Variants in CHCHD3 observed in about 807,000 individuals in gnomAD.
The protein encoded by CHCHD3 is MICOS complex subunit MIC19.
CHCHD3 carries 20 observed loss-of-function variants against 38.2 expected under a neutral mutation model. The observed-to-expected ratio is 0.52, with a 90% CI of 0.37 to 0.76. The LOEUF is 0.76. Among genes scored for constraint, CHCHD3 ranks in the 30% least tolerant of loss-of-function variants. CHCHD3 has a pLI of 0.00. For missense variants in CHCHD3, 245 were observed against 279.2 expected (o/e 0.88, Z 0.87); for synonymous variants, 82 against 100.0 (o/e 0.82, Z 1.07).
At chr7:133,064,585 C>T (rs1404286804) in intron 2 of CHCHD3, among the ~76,000 whole-genome samples, 2 of 152,210 alleles carry the variant, frequency 1.3e-5, no homozygotes, top group Non-Finnish European at 2.9e-5. Flanking sequence ...AGAACTTATA[C>T]ATGAATCTGT....
chr7:133,015,966 C>T (rs56080701), intron 3 of CHCHD3, among the ~76,000 whole-genome samples: 56,374 of 151,024 alleles, frequency 0.37, 10,631 homozygotes, highest in Admixed American at 0.44. Context: ...GGGACTGTCA[C>T]ACACTTTTAA....
intron 4 of CHCHD3, among the ~76,000 whole-genome samples, chr7:132,952,261 T>C (rs1358454102): frequency 1.3e-5 from 2 of 152,206 alleles, no homozygotes; most frequent in East Asian, 3.8e-4. Flanking sequence ...ATTTTAAAAA[T>C]ACACATGCCT....
chr7:132,954,883 C>T (rs1180411005), intron 4 of CHCHD3, among the ~76,000 whole-genome samples: 1 of 152,196 alleles, frequency 6.6e-6, no homozygotes, highest in Non-Finnish European at 1.5e-5. Flanking sequence ...AGCCTGATCA[C>T]AGACTGCATG....
chr7:132,942,357 ATAGT>A (rs764231100), intron 4 of CHCHD3, among the ~76,000 whole-genome samples: 8 of 152,256 alleles, frequency 5.3e-5, no homozygotes, highest in South Asian at 2.1e-4. Flanking sequence ...TCTTTTTTTC[ATAGT>A]TAGTAAAAGT....
chr7:133,073,713 C>A (rs985099268), intron 1 of CHCHD3, among the ~76,000 whole-genome samples: 1 of 152,164 alleles, frequency 6.6e-6, no homozygotes, highest in Non-Finnish European at 1.5e-5. Flanking sequence ...AATTCCTGTA[C>A]CATCCGCTTA....
At chr7:133,054,685 C>T (rs1393284489) in intron 2 of CHCHD3, among the ~76,000 whole-genome samples, 2 of 152,192 alleles carry the variant, frequency 1.3e-5, no homozygotes, top group African/African-American at 4.8e-5. Context: ...CTTGTTACCA[C>T]CACCACCACC....
intron 2 of CHCHD3, among the ~76,000 whole-genome samples, chr7:133,060,003 T>C (rs868824999): frequency 4.8e-4 from 73 of 152,174 alleles, no homozygotes; most frequent in African/African-American, 1.7e-3. Flanking sequence ...AACATGTAAT[T>C]GTAACACAAT....
intron 4 of CHCHD3, among the ~76,000 whole-genome samples, chr7:132,936,960 T>A (rs563245957): frequency 6.6e-6 from 1 of 152,300 alleles, no homozygotes; most frequent in African/African-American, 2.4e-5. Flanking sequence ...ATGTTATTTG[T>A]TTGGAAGCCT....
At chr7:133,029,110 G>A (rs1226377746) in intron 2 of CHCHD3, among the ~76,000 whole-genome samples, 1 of 152,032 alleles carries the variant, frequency 6.6e-6, no homozygotes, top group Non-Finnish European at 1.5e-5. Context: ...TACGTATTCT[G>A]TTATAAGCAA....
At chr7:133,073,512 C>G (rs75369386) in intron 1 of CHCHD3, among the ~76,000 whole-genome samples, 1 of 152,120 alleles carries the variant, frequency 6.6e-6, no homozygotes, top group Non-Finnish European at 1.5e-5. Flanking sequence ...ATTGATCTCA[C>G]GTTTGCCGCA....
At chr7:132,832,697 T>A (rs1424898560) in intron 6 of CHCHD3, among the ~76,000 whole-genome samples, 1 of 152,250 alleles carries the variant, frequency 6.6e-6, no homozygotes, top group Non-Finnish European at 1.5e-5. Flanking sequence ...ATATTTGCTT[T>A]TCTATTTTAA....
At chr7:133,070,072 G>A in intron 2 of CHCHD3, 70 bp downstream of exon 2, 7 of 1,108,522 alleles carry the variant, frequency 6.3e-6, no homozygotes, top group Non-Finnish European at 9.3e-6. Context: ...TAGAGAACTT[G>A]ACTATTGAGT....
intron 7 of CHCHD3, among the ~76,000 whole-genome samples, chr7:132,791,888 G>T (rs1806469464): frequency 6.6e-6 from 1 of 152,178 alleles, no homozygotes; most frequent in African/African-American, 2.4e-5. Flanking sequence ...CTGTGGCCAG[G>T]TTCCTTTCTG....
intron 3 of CHCHD3, among the ~76,000 whole-genome samples, chr7:132,991,618 A>G (rs1019560839): frequency 1.3e-5 from 2 of 152,240 alleles, no homozygotes; most frequent in African/African-American, 2.4e-5. Flanking sequence ...TTAAAAACAC[A>G]GTTCCAACTA....
intron 4 of CHCHD3, among the ~76,000 whole-genome samples, chr7:132,956,581 A>C (rs1811175153): frequency 6.6e-6 from 1 of 152,240 alleles, no homozygotes; most frequent in Non-Finnish European, 1.5e-5. Flanking sequence ...TGTCATTATA[A>C]TCACAGAATG....
chr7:132,992,716 T>A (rs1812315640), intron 3 of CHCHD3, among the ~76,000 whole-genome samples: 1 of 152,228 alleles, frequency 6.6e-6, no homozygotes, highest in South Asian at 2.1e-4. Flanking sequence ...ACAGAACTAG[T>A]AGAAAATTAA....
intron 4 of CHCHD3, among the ~76,000 whole-genome samples, chr7:132,931,696 C>T (rs1354257705): frequency 1.3e-5 from 2 of 152,132 alleles, no homozygotes; most frequent in Non-Finnish European, 2.9e-5. Flanking sequence ...TGAAATACCT[C>T]TTGAAAAAGA....
chr7:132,872,467 A>G (rs1392079882), intron 5 of CHCHD3, among the ~76,000 whole-genome samples: 1 of 152,100 alleles, frequency 6.6e-6, no homozygotes, highest in African/African-American at 2.4e-5. Context: ...TTCTGGTTAT[A>G]TTTCCCCACA....
At chr7:132,895,592 A>C (rs541180257) in intron 4 of CHCHD3, among the ~76,000 whole-genome samples, 1 of 152,334 alleles carries the variant, frequency 6.6e-6, no homozygotes, top group South Asian at 2.1e-4. Context: ...GAAGTAACTG[A>C]ATAATGGGGG....
Sources: allele counts gnomAD v4.1 joint callset (sites outside exome capture counted in the v4.1 genomes callset), GRCh38; gene constraint gnomAD v4.1.1; transcripts MANE v1.5; gene names NCBI Gene and HGNC (gene_info 2026-07-23, HGNC 2026-07-21).